Variants in RAB3B observed in about 807,000 individuals in gnomAD.
The protein encoded by RAB3B is RAB3B, member RAS oncogene family, also known as ras-related protein Rab-3B.
A neutral mutation model predicts 20.5 loss-of-function variants in RAB3B; 11 were observed. The observed-to-expected ratio is 0.54, with a 90% confidence interval of 0.34 to 0.89. The LOEUF (loss-of-function observed/expected upper bound fraction) is 0.89. Among genes scored for constraint, RAB3B ranks in the 40% least tolerant of loss-of-function variants. The pLI is 0.02. For synonymous variants in RAB3B, 99 were observed against 106.3 expected (o/e 0.93, Z 0.42); for missense variants, 225 against 280.9 (o/e 0.80, Z 1.42).
rs1557956739 is a variant in RAB3B, at chr1:51,909,291, C to T, written c.*10636G>A. 1 of 152,132 alleles carries T rather than the reference C, an allele frequency of 6.6e-6. No individual in the cohort carries two copies. The highest frequency in any genetic ancestry group is 1.9e-4 in the East Asian group (1 of 5,198). 9.4% of individuals were successfully genotyped at this position (152,132 alleles called of 1,614,324 possible). ...TCATTCTGAGACGAATACCATCTATCCCCCTAGACTCTCACAGTGGCTCCA... is the reference window on the plus strand; with the variant it reads ...TCATTCTGAGACGAATACCATCTATTCCCCTAGACTCTCACAGTGGCTCCA... On this transcript the variant is annotated 3_prime_UTR_variant, in exon 5 of 5. Transcript: ENST00000371655.
rs574366306 is a variant in RAB3B at position 51,944,183 on chromosome 1, C to T, written c.229-6771G>A. On this transcript the variant is annotated intron_variant, in intron 2 of 4. Transcript: ENST00000371655. Reference sequence around the variant, plus strand: ...GCCCCTCAAAACTATGCTAAATCTACCCTGCCTGTGCTCTAGAAATCGAAC... The same window carrying T: ...GCCCCTCAAAACTATGCTAAATCTATCCTGCCTGTGCTCTAGAAATCGAAC... 7.2e-5 allele frequency among the ~76,000 whole-genome samples: 11 copies of T among 152,310 alleles called. 1 individual carries two copies. The South Asian group carries it at 2.3e-3, about 32-fold the overall frequency.
intron 1 of RAB3B, among the ~76,000 whole-genome samples, chr1:51,982,426 C>T (rs531511245): frequency 2.6e-5 from 4 of 152,070 alleles, no homozygotes; most frequent in African/African-American, 4.8e-5. Flanking sequence ...AAAGGCCATA[C>T]GGTGTATTTG....
At chr1:51,929,815 T>C (rs1684298467) in intron 4 of RAB3B, among the ~76,000 whole-genome samples, 1 of 152,230 alleles carries the variant, frequency 6.6e-6, no homozygotes, top group African/African-American at 2.4e-5. Context: ...TCTTTCCCCA[T>C]TAGTTCCATG....
Position 51,972,787 on chromosome 1 carries a change from T to A in RAB3B, c.228+4103A>T, listed in dbSNP as rs141355806. ...GATCTTAGACTTCCAGTCTCCAGAC[T>A]GTGAGAAAATTAATTTCAATTGTAT... On this transcript the variant is annotated intron_variant, in intron 2 of 4. Coordinates refer to ENST00000371655, the MANE Select transcript of RAB3B (RefSeq NM_002867.4). 9.8e-5 allele frequency among the ~76,000 whole-genome samples: 15 copies of A among 152,328 alleles called. No individual in the cohort carries two copies. The East Asian group carries it at 2.9e-3, about 29-fold the overall frequency.
rs182340589 is a variant in RAB3B, at chr1:51,965,765, A to G, written c.228+11125T>C. The stretch of plus-strand genomic sequence containing the variant: ...TGCAATGGTAATAGAATATTTGTGG[A>G]AAAAAAACTAGTGAAATTCAAATAA... On this transcript the variant is annotated intron_variant, in intron 2 of 4. Coordinates refer to ENST00000371655, the MANE Select transcript of RAB3B (RefSeq NM_002867.4). 1.0e-3 allele frequency among the ~76,000 whole-genome samples: 154 copies of G among 152,196 alleles called. 5 individuals are homozygous for G. In the South Asian group the frequency reaches 0.021, roughly 21 times the overall value.
chr1:51,972,956 G>A (rs2124306693), intron 2 of RAB3B, among the ~76,000 whole-genome samples: 1 of 152,154 alleles, frequency 6.6e-6, no homozygotes. Context: ...GCCTTTATGA[G>A]GTATAATTGA....
At chr1:51,938,916 C>T (rs186322940) in intron 2 of RAB3B, among the ~76,000 whole-genome samples, 247 of 152,308 alleles carry the variant, frequency 1.6e-3, no homozygotes, top group Non-Finnish European at 2.9e-3. Context: ...CCACCTTAGC[C>T]TCCCAAAGTG....
intron 3 of RAB3B, among the ~76,000 whole-genome samples, chr1:51,937,071 C>T (rs1311549245): frequency 6.6e-6 from 1 of 152,178 alleles, no homozygotes; most frequent in Non-Finnish European, 1.5e-5. Context: ...GCCTCGGCCT[C>T]CCAAAGTGCT....
At chr1:51,934,030 C>T (rs1451556088) in intron 3 of RAB3B, among the ~76,000 whole-genome samples, 8 of 152,154 alleles carry the variant, frequency 5.3e-5, no homozygotes, top group Non-Finnish European at 1.5e-5. Context: ...CTGGCCATCC[C>T]TCTCCTCACT....
At position 51,909,358 on chromosome 1, in the gene RAB3B, T is replaced by C. The variant is rs1242208411; in HGVS notation, c.*10569A>G. On this transcript the variant is annotated 3_prime_UTR_variant, in exon 5 of 5. Coordinates refer to ENST00000371655, the MANE Select transcript of RAB3B (RefSeq NM_002867.4). ...CATTTCACTTTCTAAAATGTACTTT[T>C]ATTTGACTCTCATAACTATTTTGTG... 1.3e-5 allele frequency: 2 copies of C among 152,202 alleles called. No individual in the cohort carries two copies. The highest frequency in any genetic ancestry group is 4.8e-5 in the African/African-American group (2 of 41,466). The allele number at this position is 152,202 out of a possible 1,614,324, so 9.4% of individuals were successfully genotyped here.
chr1:51,946,431 T>C (rs948828372), intron 2 of RAB3B, among the ~76,000 whole-genome samples: 2 of 152,032 alleles, frequency 1.3e-5, no homozygotes, highest in Non-Finnish European at 2.9e-5. Context: ...ACAGAGGAGA[T>C]GGGAAGGAGG....
rs917653144 is a variant in RAB3B, at chr1:51,953,392, G to C, written c.229-15980C>G. Among the ~76,000 whole-genome samples, 2 of 152,196 alleles carry C rather than the reference G, an allele frequency of 1.3e-5. 1 individual carries two copies. The highest frequency in any genetic ancestry group is 4.1e-4 in the South Asian group (2 of 4,826). On this transcript the variant is annotated intron_variant, in intron 2 of 4. Coordinates refer to ENST00000371655, the MANE Select transcript of RAB3B (RefSeq NM_002867.4). ...GAGGAAAAAAAGAAGCATGAAACAT[G>C]ATTATACTTAATACATCCCCAGATC... is the stretch of plus-strand genomic sequence containing the variant.
chr1:51,984,263 T>TAAAAAAAAAAAAAA (rs1166997647), intron 1 of RAB3B, among the ~76,000 whole-genome samples: 1 of 20,676 alleles, frequency 4.8e-5, no homozygotes, highest in African/African-American at 1.8e-4. Context: ...ACTCTCTAAT[T>TAAAAAAAAAAAAAA]AAAAAAAAAA....
intron 1 of RAB3B, chr1:51,980,788 G>T (rs1330961238): frequency 4.0e-6 from 3 of 751,364 alleles, no homozygotes; most frequent in African/African-American, 1.7e-5. Context: ...ACCTGTAGGT[G>T]CTGCCCCACG....
At chr1:51,946,812 T>C (rs1684571933) in intron 2 of RAB3B, among the ~76,000 whole-genome samples, 1 of 152,182 alleles carries the variant, frequency 6.6e-6, no homozygotes, top group African/African-American at 2.4e-5. Context: ...TTTTATTTTA[T>C]TTTCAAAAAA....
chr1:51,914,481 G>C lies in RAB3B; in HGVS notation c.*5446C>G, dbSNP rs1323054262. On this transcript the variant is annotated 3_prime_UTR_variant, in exon 5 of 5. Transcript: ENST00000371655. ...GACAATGTCTATACTAAATCATGAA[G>C]CTATACGTTTCATGAAAGCAAGAAC... is the stretch of plus-strand genomic sequence containing the variant. 6.6e-6 allele frequency: 1 copy of C among 152,144 alleles called. No homozygotes were observed. Among genetic ancestry groups the C allele is most frequent in the Non-Finnish European group, 1.5e-5 (1 of 68,032 alleles). The allele number at this position is 152,144 out of a possible 1,614,324, so 9.4% of individuals were successfully genotyped here.
At position 51,908,583 on chromosome 1, in the gene RAB3B, A is replaced by G. The variant is rs1300267135; in HGVS notation, c.*11344T>C. 14 of 151,842 alleles carry G rather than the reference A, an allele frequency of 9.2e-5. No homozygotes were observed. The highest frequency in any genetic ancestry group is 9.2e-4 in the Admixed American group (14 of 15,194). The allele number at this position is 151,842 out of a possible 1,614,324, so 9.4% of individuals were successfully genotyped here. ...TTCTGTTGGGGTTGTGGGGCTGACA[A>G]CAATGTGTTCCTTTCCTTCCTTCTC... is the stretch of plus-strand genomic sequence containing the variant. On this transcript the variant is annotated 3_prime_UTR_variant, in exon 5 of 5. Transcript: ENST00000371655.
rs1683947809 is a variant in RAB3B at position 51,908,322 on chromosome 1, G to C, written c.*11605C>G. On this transcript the variant is annotated 3_prime_UTR_variant, in exon 5 of 5. Coordinates refer to ENST00000371655, the MANE Select transcript of RAB3B (RefSeq NM_002867.4). ...CTATCGAGAGGCAACTGCAGTTTTT[G>C]CTAATTGTTCCTCCTGAGGAATTCT... 1 of 152,100 alleles carries C rather than the reference G, an allele frequency of 6.6e-6. No individual in the cohort carries two copies. The highest frequency in any genetic ancestry group is 2.1e-4 in the South Asian group (1 of 4,826). 9.4% of individuals were successfully genotyped at this position (152,100 alleles called of 1,614,324 possible).
At chr1:51,962,002 C>T (rs1684790563) in intron 2 of RAB3B, among the ~76,000 whole-genome samples, 1 of 152,144 alleles carries the variant, frequency 6.6e-6, no homozygotes, top group Admixed American at 6.5e-5. Flanking sequence ...AAACACCTGA[C>T]CTCAAATGAT....
Sources: allele counts gnomAD v4.1 joint callset (sites outside exome capture counted in the v4.1 genomes callset), GRCh38; gene constraint gnomAD v4.1.1; transcripts MANE v1.5; gene names NCBI Gene and HGNC (gene_info 2026-07-23, HGNC 2026-07-21).